MCTP1: variants seen among roughly 807,000 people sequenced by gnomAD.
MCTP1 encodes the protein multiple C2 and transmembrane domain-containing protein 1.
Under a neutral mutation model 120.6 loss-of-function variants are expected in MCTP1, and 69 were observed. The observed-to-expected ratio is 0.57, with a 90% confidence interval of 0.47 to 0.70. The LOEUF (loss-of-function observed/expected upper bound fraction) is 0.70, where lower values mean the gene tolerates loss of function less well. MCTP1 is among the 30% of genes least tolerant of loss of function. The pLI is 0.00. For synonymous variants in MCTP1, 529 were observed against 493.1 expected (o/e 1.07, Z -0.96); for missense variants, 1,203 against 1,248.8 (o/e 0.96, Z 0.55).
intron 1 of MCTP1, among the ~76,000 whole-genome samples, chr5:95,150,578 T>TA (rs1413895018): frequency 6.6e-6 from 1 of 152,242 alleles, no homozygotes; most frequent in Non-Finnish European, 1.5e-5. Flanking sequence ...AAATCCAGTT[T>TA]ATGAATACAT....
At chr5:94,803,846 T>G (rs1199076468) in intron 17 of MCTP1, among the ~76,000 whole-genome samples, 1 of 152,214 alleles carries the variant, frequency 6.6e-6, no homozygotes, top group Non-Finnish European at 1.5e-5. Flanking sequence ...CATGTCTCCC[T>G]GTATCCATGA....
chr5:95,115,690 C>T (rs549730900), intron 1 of MCTP1, among the ~76,000 whole-genome samples: 3 of 151,768 alleles, frequency 2.0e-5, no homozygotes, highest in East Asian at 1.9e-4. Flanking sequence ...AAGATGAGGT[C>T]GAGAAAGAGA....
rs114592292 is a variant in MCTP1, at chr5:94,717,138, A to C, written c.2611-2252T>G. The stretch of plus-strand genomic sequence containing the variant: ...ATGTGCCTCAAATAGCCCCAAATAC[A>C]TTCCATATTAATGTTAAGAAGTTAA... On this transcript the variant is annotated intron_variant, in intron 19 of 22. Transcript: ENST00000515393. 3.6e-3 allele frequency among the ~76,000 whole-genome samples: 546 copies of C among 152,288 alleles called. 3 individuals carry two copies. Among genetic ancestry groups the C allele is most frequent in the African/African-American group, 0.013 (527 of 41,580 alleles).
chr5:94,986,648 G>T (rs188412), intron 2 of MCTP1, among the ~76,000 whole-genome samples: 107,566 of 151,814 alleles, frequency 0.71, 38,651 homozygotes, highest in Admixed American at 0.8. Context: ...TAGCTGGGAC[G>T]ACAGGCATGT....
chr5:94,885,612 G>A (rs1222861472), intron 12 of MCTP1, among the ~76,000 whole-genome samples: 1 of 27,552 alleles, frequency 3.6e-5, no homozygotes, highest in East Asian at 8.2e-4. Context: ...ACCCCACCCC[G>A]CTGGCCTTTC....
chr5:95,096,507 A>G (rs966412128), intron 1 of MCTP1, among the ~76,000 whole-genome samples: 7 of 152,100 alleles, frequency 4.6e-5, no homozygotes, highest in African/African-American at 1.7e-4. Flanking sequence ...GTAGTGAAAA[A>G]ATGGGAAGGG....
At chr5:94,926,096 C>G (rs1454670837) in intron 6 of MCTP1, among the ~76,000 whole-genome samples, 2 of 151,940 alleles carry the variant, frequency 1.3e-5, no homozygotes, top group African/African-American at 4.8e-5. Context: ...TTTCAGCCTT[C>G]TACATAAATC....
At chr5:94,968,226 T>C (rs546143839) in intron 2 of MCTP1, among the ~76,000 whole-genome samples, 2 of 152,346 alleles carry the variant, frequency 1.3e-5, no homozygotes, top group East Asian at 1.9e-4. Flanking sequence ...AAAGGAGTTA[T>C]ATGGTCAAGT....
rs1374954508 is a variant in MCTP1, at chr5:94,707,486, T to G, written c.*10A>C. 6.2e-7 allele frequency: 1 copy of G among 1,607,302 alleles called. No individual in the cohort carries two copies. Among genetic ancestry groups the G allele is most frequent in the African/African-American group, 1.3e-5 (1 of 74,624 alleles). ...AAACAGATGCTGGTCTCCTCAGTGC[T>G]GGGAGCTGGCTAGCCAAGATTGTTT... On this transcript the variant is annotated 3_prime_UTR_variant, in exon 23 of 23. Coordinates refer to ENST00000515393, the MANE Select transcript of MCTP1 (RefSeq NM_024717.7).
At chr5:94,824,496 TC>T (rs1786488333) in intron 17 of MCTP1, among the ~76,000 whole-genome samples, 1 of 152,222 alleles carries the variant, frequency 6.6e-6, no homozygotes, top group Non-Finnish European at 1.5e-5. Context: ...CCTGAAATTT[TC>T]TTTTTTTGTT....
chr5:95,122,193 C>A (rs918385302), intron 1 of MCTP1, among the ~76,000 whole-genome samples: 1 of 149,292 alleles, frequency 6.7e-6, no homozygotes, highest in African/African-American at 2.4e-5. Flanking sequence ...AGTAAACAAT[C>A]AACAAAGTGA....
At chr5:94,965,052 G>C (rs530391743) in intron 2 of MCTP1, among the ~76,000 whole-genome samples, 1 of 152,222 alleles carries the variant, frequency 6.6e-6, no homozygotes, top group South Asian at 2.1e-4. Context: ...TTACTAATGA[G>C]TTTTATGCTC....
In MCTP1 at chr5:95,215,832, A is replaced by G. The variant is rs76111918; in HGVS notation, c.720+68024T>C. Among the ~76,000 whole-genome samples, 943 of 152,248 alleles carry G rather than the reference A, an allele frequency of 6.2e-3. 8 individuals are homozygous for G. The highest frequency in any genetic ancestry group is 9.9e-3 in the Non-Finnish European group (674 of 68,008). On this transcript the variant is annotated intron_variant, in intron 1 of 22. Coordinates refer to ENST00000515393, the MANE Select transcript of MCTP1 (RefSeq NM_024717.7). ...GTTAAGGGAGGTAAACAAAACTTAT[A>G]AAATATCTAGTTTGTGGGAGGGAGT...
chr5:94,985,569 C>T lies in MCTP1; in HGVS notation c.838+31798G>A, dbSNP rs532202212. Among the ~76,000 whole-genome samples the T allele has an allele frequency of 9.3e-4, 141 of 152,242 alleles. 2 individuals carry two copies. Among genetic ancestry groups the T allele is most frequent in the African/African-American group, 3.2e-3 (134 of 41,558 alleles). Reference sequence around the variant, plus strand: ...CTTCACTTAAAAAACAGATTCCAAACCCAAGTCCTACTCTCTAATTTTTCA... The same window carrying T: ...CTTCACTTAAAAAACAGATTCCAAATCCAAGTCCTACTCTCTAATTTTTCA... On this transcript the variant is annotated intron_variant, in intron 2 of 22. Transcript: ENST00000515393.
chr5:94,846,498 T>C (rs1045843944), intron 17 of MCTP1, among the ~76,000 whole-genome samples: 9 of 152,080 alleles, frequency 5.9e-5, no homozygotes, highest in African/African-American at 1.9e-4. Flanking sequence ...CTGGGGCCTA[T>C]GTGAAAATGG....
intron 1 of MCTP1, among the ~76,000 whole-genome samples, chr5:95,224,158 A>T (rs1039073793): frequency 6.6e-6 from 1 of 152,172 alleles, no homozygotes; most frequent in African/African-American, 2.4e-5. Context: ...CCACAATCAC[A>T]GTGGGCCCTG....
chr5:94,905,236 G>A (rs560988356), intron 10 of MCTP1, among the ~76,000 whole-genome samples: 5 of 152,148 alleles, frequency 3.3e-5, no homozygotes, highest in Admixed American at 1.3e-4. Context: ...AATGAAGGAC[G>A]GGGATAGGCA....
At position 95,284,021 on chromosome 5, in the gene MCTP1, C is replaced by A; in HGVS notation, c.555G>T (p.Arg185=). ...ACAAGTGCGCCCCGGGGCCCTGACG[C>A]CGTGCACCCTCATCTCGGGCGCGGT... ...RGDRARDEGA[R]RQGPGAHLCH... is the part of the protein sequence containing the mutation. The change falls in exon 1 of 23, where the codon CGG becomes CGT. Residue 185 remains arginine, a synonymous_variant. Coordinates refer to ENST00000515393, the MANE Select transcript of MCTP1 (RefSeq NM_024717.7). The surrounding 1 kb of genome is among the most constrained non-coding windows in gnomAD (Gnocchi z 5.2). 6.7e-7 allele frequency: 1 copy of A among 1,497,394 alleles called. No homozygotes were observed. Among genetic ancestry groups the A allele is most frequent in the South Asian group, 1.3e-5 (1 of 74,662 alleles). 92.8% of individuals were successfully genotyped at this position (1,497,394 alleles called of 1,614,324 possible). A position where few individuals can be genotyped will look rare whatever the true frequency, so the allele number is the denominator to read the frequency against.
At chr5:94,894,372 G>T (rs1316561644) in intron 11 of MCTP1, among the ~76,000 whole-genome samples, 3 of 152,198 alleles carry the variant, frequency 2.0e-5, no homozygotes, top group African/African-American at 4.8e-5. Flanking sequence ...CTTCCTATAT[G>T]GGTAGCATCC....
Sources: allele counts gnomAD v4.1 joint callset (sites outside exome capture counted in the v4.1 genomes callset), GRCh38; gene constraint gnomAD v4.1.1; non-coding constraint Gnocchi (gnomAD v3.1); transcripts MANE v1.5; gene names NCBI Gene and HGNC (gene_info 2026-07-23, HGNC 2026-07-21).